Variants in RASA1 observed in about 807,000 individuals in gnomAD.
RASA1 encodes the protein RAS p21 protein activator 1, also known as ras GTPase-activating protein 1.
A neutral mutation model predicts 132.2 loss-of-function variants in RASA1; 25 were observed. The observed-to-expected ratio is 0.19, with a 90% CI of 0.14 to 0.26. The LOEUF is 0.26. RASA1 is among the 10% of genes least tolerant of loss of function. RASA1 has a pLI of 1.00. For missense variants in RASA1, 964 were observed against 1,299.2 expected, an observed-to-expected ratio of 0.74 and a Z score of 3.97; for synonymous variants, 477 against 449.9, an observed-to-expected ratio of 1.06 and a Z score of -0.76.
At chr5:87,291,383 T>G (rs1477062287) in intron 1 of RASA1, among the ~76,000 whole-genome samples, 2 of 151,994 alleles carry the variant, frequency 1.3e-5, no homozygotes, top group Non-Finnish European at 2.9e-5. Context: ...AAGAAAAAAT[T>G]AGCCAGATGG....
Position 87,268,727 on chromosome 5 carries a change from T to G in RASA1, c.276T>G (p.Ala92=). Residue 92 remains alanine, a synonymous_variant, in exon 1 of 25, where the codon GCT becomes GCG. Transcript: ENST00000274376. ...CTGGACTGACAGGGGGAGGTACTGCTGCTGGCGTAGCTGGTGCTGCTGCTG... is the reference window on the plus strand; with the variant it reads ...CTGGACTGACAGGGGGAGGTACTGCGGCTGGCGTAGCTGGTGCTGCTGCTG... ...GGAGLTGGGT[A]AGVAGAAAGV... is the part of the protein sequence containing the mutation. 5 of 1,612,942 alleles carry G rather than the reference T, an allele frequency of 3.1e-6. No individual in the cohort carries two copies. The highest frequency in any genetic ancestry group is 4.2e-6 in the Non-Finnish European group (5 of 1,179,512).
chr5:87,298,206 G>A (rs943644011), intron 1 of RASA1, among the ~76,000 whole-genome samples: 5 of 151,936 alleles, frequency 3.3e-5, no homozygotes, highest in African/African-American at 1.2e-4. Context: ...TCAGGAGATC[G>A]AGACCATCCT....
chr5:87,292,309 G>A (rs955156349), intron 1 of RASA1, among the ~76,000 whole-genome samples: 4 of 150,358 alleles, frequency 2.7e-5, no homozygotes, highest in African/African-American at 7.3e-5. Flanking sequence ...TTTTAATTTC[G>A]GTCTGTGATC....
chr5:87,349,137 C>T, intron 7 of RASA1, 77 bp from the exon 8 acceptor site: 2 of 1,528,712 alleles, frequency 1.3e-6, no homozygotes, highest in Non-Finnish European at 1.8e-6. Flanking sequence ...TTTGAATGCA[C>T]TTTGTAATAA....
chr5:87,383,375 TTCTC>T (rs1368007612), intron 20 of RASA1, among the ~76,000 whole-genome samples: 2 of 152,190 alleles, frequency 1.3e-5, no homozygotes, highest in African/African-American at 4.8e-5. Flanking sequence ...GGATACTACT[TTCTC>T]TAAGTATCAA....
At chr5:87,338,936 G>T (rs1758241405) in intron 5 of RASA1, among the ~76,000 whole-genome samples, 1 of 151,954 alleles carries the variant, frequency 6.6e-6, no homozygotes, top group Non-Finnish European at 1.5e-5. Flanking sequence ...ATTACCAGGT[G>T]CATTTTTAAT....
intron 1 of RASA1, among the ~76,000 whole-genome samples, chr5:87,317,201 T>G (rs959718006): frequency 6.6e-6 from 1 of 152,158 alleles, no homozygotes; most frequent in Non-Finnish European, 1.5e-5. Flanking sequence ...AAATTTGTGG[T>G]AACTTCATCT....
chr5:87,372,983 A>G (rs1466334519), intron 13 of RASA1, among the ~76,000 whole-genome samples: 1 of 152,196 alleles, frequency 6.6e-6, no homozygotes, highest in Non-Finnish European at 1.5e-5. Flanking sequence ...AAATTTAAGT[A>G]TACACACAAT....
Position 87,390,689 on chromosome 5 carries a change from A to G in RASA1, c.3061-111A>G, listed in dbSNP as rs939084978. The G allele has an allele frequency of 1.6e-5, 13 of 825,930 alleles. No homozygotes were observed. In the African/African-American group the frequency reaches 1.7e-4, roughly 11 times the overall value. 51.2% of individuals were successfully genotyped at this position (825,930 alleles called of 1,614,324 possible). A position where few individuals can be genotyped will look rare whatever the true frequency, so the allele number is the denominator to read the frequency against. On this transcript the variant is annotated intron_variant, in intron 24 of 24. Transcript: ENST00000274376. ...TTATGTTTTGAGGGGAATTGTGGTA[A>G]TATTTTATGCATCCTTTTGCTTTGA...
At chr5:87,295,311 A>G (rs746849910) in intron 1 of RASA1, among the ~76,000 whole-genome samples, 1 of 152,016 alleles carries the variant, frequency 6.6e-6, no homozygotes, top group African/African-American at 2.4e-5. Flanking sequence ...TAACTGGTAT[A>G]TTAGACTTGA....
intron 1 of RASA1, among the ~76,000 whole-genome samples, chr5:87,281,885 G>A (rs1201785761): frequency 6.6e-6 from 1 of 151,982 alleles, no homozygotes; most frequent in Non-Finnish European, 1.5e-5. Flanking sequence ...CCAGCCTATT[G>A]CCTATTTTCG....
intron 1 of RASA1, among the ~76,000 whole-genome samples, chr5:87,276,976 T>C (rs1246201720): frequency 6.6e-6 from 1 of 152,168 alleles, no homozygotes; most frequent in Non-Finnish European, 1.5e-5. Context: ...GTTTCACATA[T>C]ATTTAGATTT....
chr5:87,385,524 G>A, intron 22 of RASA1, 135 bp downstream of exon 22: 1 of 702,214 alleles, frequency 1.4e-6, no homozygotes, highest in Admixed American at 2.4e-5. Flanking sequence ...TGGTATGTTT[G>A]TTTTTAAAGT....
At chr5:87,323,094 C>G (rs1052955607) in intron 1 of RASA1, among the ~76,000 whole-genome samples, 15 of 152,224 alleles carry the variant, frequency 9.9e-5, no homozygotes, top group African/African-American at 3.1e-4. Context: ...ATAATTTGAG[C>G]TGATGGATAA....
intron 21 of RASA1, 100 bp from the exon 22 acceptor site, chr5:87,385,201 A>G (rs1006218672): frequency 1.3e-6 from 1 of 791,024 alleles, no homozygotes; most frequent in African/African-American, 1.7e-5. Flanking sequence ...AATGGGTAGT[A>G]GTTTAACAGT....
At chr5:87,269,256 A>G (rs998333851) in intron 1 of RASA1, 13 of 1,539,828 alleles carry the variant, frequency 8.4e-6, no homozygotes, top group Admixed American at 2.0e-5. Context: ...TCTAATGAGA[A>G]CCGGATATAG....
At chr5:87,285,381 T>G (rs1222095056) in intron 1 of RASA1, among the ~76,000 whole-genome samples, 1 of 151,926 alleles carries the variant, frequency 6.6e-6, no homozygotes, top group Non-Finnish European at 1.5e-5. Flanking sequence ...ATGGTACCTT[T>G]TAATTAATTT....
chr5:87,318,116 G>T (rs1275094775), intron 1 of RASA1, among the ~76,000 whole-genome samples: 1 of 152,086 alleles, frequency 6.6e-6, no homozygotes, highest in Non-Finnish European at 1.5e-5. Context: ...GCATTTTGAA[G>T]CGTGCTTTCA....
intron 6 of RASA1, among the ~76,000 whole-genome samples, chr5:87,341,782 C>A (rs1469804530): frequency 6.6e-6 from 1 of 151,940 alleles, no homozygotes; most frequent in African/African-American, 2.4e-5. Context: ...TTTTGAAGAT[C>A]TGAACCATTA....
Sources: allele counts gnomAD v4.1 joint callset (sites outside exome capture counted in the v4.1 genomes callset), GRCh38; gene constraint gnomAD v4.1.1; transcripts MANE v1.5; gene names NCBI Gene and HGNC (gene_info 2026-07-23, HGNC 2026-07-21).